The following COX19 variants were observed in gnomAD, a reference collection of about 807,000 sequenced individuals.
The protein encoded by COX19 is cytochrome c oxidase assembly protein COX19.
COX19 carries 8 observed loss-of-function variants against 6.8 expected under a neutral mutation model. That is an observed-to-expected ratio of 1.18 (90% confidence interval 0.69 to 2.12). The LOEUF is 2.12. Among genes scored for constraint, COX19 ranks in the 30% most tolerant of loss-of-function variants. COX19 has a pLI of 0.00. For synonymous variants in COX19, 51 were observed against 38.0 expected, an observed-to-expected ratio of 1.34 and a Z score of -1.26; for missense variants, 131 against 104.6, an observed-to-expected ratio of 1.25 and a Z score of -1.10.
At chr7:970,567 C>T (rs1238549944) in intron 2 of COX19, among the ~76,000 whole-genome samples, 2 of 151,758 alleles carry the variant, frequency 1.3e-5, no homozygotes, top group East Asian at 3.9e-4. Flanking sequence ...CCTCAGCCTC[C>T]CAAGTAGCTG....
At position 965,453 on chromosome 7, in the gene COX19, C is replaced by T. The variant is rs1057429776; in HGVS notation, c.*3925G>A. Among the ~76,000 whole-genome samples the T allele has an allele frequency of 6.6e-6, 1 of 152,158 alleles. No homozygotes were observed. The highest frequency in any genetic ancestry group is 1.5e-5 in the Non-Finnish European group (1 of 68,028). ...TGGGCAAGAGAACCAGAGGTGATAC[C>T]GTGCCCTCAGGGACGCCCCCAGGTC... On this transcript the variant is annotated 3_prime_UTR_variant, in exon 3 of 3. Transcript: ENST00000344111.
chr7:970,437 TA>T (rs1426253028), intron 2 of COX19, among the ~76,000 whole-genome samples: 2 of 144,986 alleles, frequency 1.4e-5, no homozygotes, highest in African/African-American at 5.3e-5. Flanking sequence ...CCCGGCCAGC[TA>T]ATTTTTTTTT....
At chr7:973,404 G>C (rs1466543340) in intron 1 of COX19, 112 bp from the exon 2 acceptor site, 1 of 1,335,646 alleles carries the variant, frequency 7.5e-7, no homozygotes, top group Non-Finnish European at 9.7e-7. Context: ...TCCTCAGGCC[G>C]GGCGCAGTGG....
intron 1 of COX19, among the ~76,000 whole-genome samples, chr7:974,395 A>G (rs1847676236): frequency 6.6e-6 from 1 of 152,286 alleles, no homozygotes; most frequent in African/African-American, 2.4e-5. Flanking sequence ...GCACCACTGC[A>G]CTCCAGCCTA....
intron 1 of COX19, among the ~76,000 whole-genome samples, chr7:974,233 T>C (rs1583204497): frequency 2.5e-5 from 3 of 118,834 alleles, no homozygotes; most frequent in East Asian, 2.3e-4. Context: ...CTGGGCAACA[T>C]GGGGAAACCC....
Position 966,801 on chromosome 7 carries a change from T to C in COX19, c.*2577A>G, listed in dbSNP as rs1446088571. Reference sequence around the variant, plus strand: ...TAAACCATTCATGAGTTTTTGATTCTGTGCTGTTCTGAGCAGCCGTCCTGC... The same window carrying C: ...TAAACCATTCATGAGTTTTTGATTCCGTGCTGTTCTGAGCAGCCGTCCTGC... On this transcript the variant is annotated 3_prime_UTR_variant, in exon 3 of 3. Transcript: ENST00000344111. The C allele has an allele frequency of 3.3e-5, 5 of 152,214 alleles. No individual in the cohort carries two copies. Among genetic ancestry groups the C allele is most frequent in the Non-Finnish European group, 7.3e-5 (5 of 68,042 alleles). The allele number at this position is 152,214 out of a possible 1,614,324, so 9.4% of individuals were successfully genotyped here.
At position 965,656 on chromosome 7, in the gene COX19, G is replaced by GT. The variant is rs376042053; in HGVS notation, c.*3721dup. On this transcript the variant is annotated 3_prime_UTR_variant, in exon 3 of 3. Coordinates refer to ENST00000344111, the MANE Select transcript of COX19 (RefSeq NM_001031617.3). ...ACCACTCACTTCATGGCAACTGAGG[G>GT]TTTTTTTTTGAGACGGTTCTGTCGC... 1.4e-4 allele frequency among the ~76,000 whole-genome samples: 22 copies of GT among 151,778 alleles called. No homozygotes were observed. Among genetic ancestry groups the GT allele is most frequent in the Admixed American group, 4.6e-4 (7 of 15,228 alleles).
At chr7:972,108 T>C (rs1037160584) in intron 2 of COX19, among the ~76,000 whole-genome samples, 3 of 152,188 alleles carry the variant, frequency 2.0e-5, no homozygotes, top group Non-Finnish European at 4.4e-5. Context: ...GGCAGCGCCA[T>C]GGAGAAATTC....
intron 2 of COX19, chr7:972,971 C>T: frequency 2.8e-6 from 1 of 351,968 alleles, no homozygotes; most frequent in Non-Finnish European, 5.2e-6. Context: ...AACGCTATCG[C>T]TCAAGAAGAG....
intron 2 of COX19, among the ~76,000 whole-genome samples, chr7:972,022 G>T (rs945436100): frequency 5.9e-5 from 9 of 152,210 alleles, no homozygotes; most frequent in Admixed American, 4.6e-4. Flanking sequence ...GTCTCAAGGG[G>T]AAGCTGAGCA....
intron 2 of COX19, chr7:972,970 G>C: frequency 2.9e-6 from 1 of 339,490 alleles, no homozygotes. Context: ...TAACGCTATC[G>C]CTCAAGAAGA....
chr7:971,608 A>T (rs1410547362), intron 2 of COX19, among the ~76,000 whole-genome samples: 1 of 152,194 alleles, frequency 6.6e-6, no homozygotes, highest in African/African-American at 2.4e-5. Flanking sequence ...GTAGTGGCTC[A>T]CGCCTGTAAT....
intron 1 of COX19, 132 bp downstream of exon 1, chr7:975,296 A>AG: frequency 1.5e-6 from 1 of 652,554 alleles, no homozygotes; most frequent in Non-Finnish European, 2.5e-6. Flanking sequence ...GGTGGGGCGG[A>AG]GGGGCGGGCC....
Position 972,540 on chromosome 7 carries a change from CA to C in COX19, c.194+640del, listed in dbSNP as rs368683369. 1.7e-4 allele frequency among the ~76,000 whole-genome samples: 26 copies of C among 152,226 alleles called. 1 individual carries two copies. Among genetic ancestry groups the C allele is most frequent in the African/African-American group, 6.0e-4 (25 of 41,542 alleles). ...GTGAGCTAATCATGGCCTCGAAAAG[CA>C]AAAATAAAAGCTCCCACTACCATCA... On this transcript the variant is annotated intron_variant, in intron 2 of 2. Transcript: ENST00000344111.
At position 968,289 on chromosome 7, in the gene COX19, G is replaced by A. The variant is rs1399244407; in HGVS notation, c.*1089C>T. On this transcript the variant is annotated 3_prime_UTR_variant, in exon 3 of 3. Coordinates refer to ENST00000344111, the MANE Select transcript of COX19 (RefSeq NM_001031617.3). Reference sequence around the variant, plus strand: ...GAAGCCTCAGCCACCCACAGGCAGAGGGACGAGGGCAGCCTGTTTCCCAGA... The same window carrying A: ...GAAGCCTCAGCCACCCACAGGCAGAAGGACGAGGGCAGCCTGTTTCCCAGA... 1 of 152,428 alleles carries A rather than the reference G, an allele frequency of 6.6e-6. No homozygotes were observed. Among genetic ancestry groups the A allele is most frequent in the South Asian group, 2.1e-4 (1 of 4,838 alleles). 9.4% of individuals were successfully genotyped at this position (152,428 alleles called of 1,614,324 possible).
At chr7:972,211 GA>G (rs1847645883) in intron 2 of COX19, among the ~76,000 whole-genome samples, 1 of 152,206 alleles carries the variant, frequency 6.6e-6, no homozygotes, top group Non-Finnish European at 1.5e-5. Context: ...GAGATGGTAA[GA>G]GACAGATTCA....
chr7:965,563 C>T lies in COX19; in HGVS notation c.*3815G>A, dbSNP rs948684262. 2.0e-5 allele frequency among the ~76,000 whole-genome samples: 3 copies of T among 152,200 alleles called. No individual in the cohort carries two copies. Among genetic ancestry groups the T allele is most frequent in the Non-Finnish European group, 4.4e-5 (3 of 68,038 alleles). ...TTCTGCTGTGACATGACTGTCTCCTCGGAGGTCACTATGCATCTCAAGGGG... is the reference window on the plus strand; with the variant it reads ...TTCTGCTGTGACATGACTGTCTCCTTGGAGGTCACTATGCATCTCAAGGGG... On this transcript the variant is annotated 3_prime_UTR_variant, in exon 3 of 3. Coordinates refer to ENST00000344111, the MANE Select transcript of COX19 (RefSeq NM_001031617.3).
In COX19 at chr7:975,529, G is replaced by C; in HGVS notation, c.-20C>G. The C allele has an allele frequency of 6.3e-7, 1 of 1,593,562 alleles. No individual in the cohort carries two copies. Among genetic ancestry groups the C allele is most frequent in the Non-Finnish European group, 8.5e-7 (1 of 1,170,844 alleles). ...CGACATGTTGGCGACTCCGGAGTCTGCGAGCGCCTTGCGAGCGTACGCAGG... is the reference window on the plus strand; with the variant it reads ...CGACATGTTGGCGACTCCGGAGTCTCCGAGCGCCTTGCGAGCGTACGCAGG... On this transcript the variant is annotated 5_prime_UTR_variant, in exon 1 of 3. Coordinates refer to ENST00000344111, the MANE Select transcript of COX19 (RefSeq NM_001031617.3).
chr7:969,500 G>T, intron 2 of COX19, 44 bp from the exon 3 acceptor site: 1 of 1,247,464 alleles, frequency 8.0e-7, no homozygotes, highest in Non-Finnish European at 1.2e-6. Context: ...GGTGCAGAGA[G>T]GACAAGAGGG....
Sources: gnomAD v4.1 joint callset for allele counts (sites outside exome capture counted in the v4.1 genomes callset) on GRCh38, gnomAD v4.1.1 for gene constraint, MANE v1.5 for transcripts, NCBI Gene and HGNC (gene_info 2026-07-23, HGNC 2026-07-21) for gene names.